The following DCAF16 variants were observed in gnomAD, a reference collection of about 807,000 sequenced individuals.
DCAF16 encodes DDB1 and CUL4 associated factor 16.
Under a neutral mutation model 17.3 loss-of-function variants are expected in DCAF16, and 10 were observed. The observed-to-expected ratio is 0.58, with a 90% CI of 0.36 to 0.98. The LOEUF is 0.98. Ranked by LOEUF, DCAF16 falls within the 50% of genes least tolerant of loss-of-function variation. The probability of loss-of-function intolerance (pLI) is 0.01; values close to 1 mark genes in which losing one functional copy is unlikely to be tolerated. For synonymous variants in DCAF16, 111 were observed against 92.8 expected (o/e 1.20, Z -1.12); for missense variants, 249 against 247.6 (o/e 1.01, Z -0.04).
rs1720005453 is a variant in DCAF16, at chr4:17,803,629, A to C, written c.513T>G (p.Asn171Lys). The change falls in exon 3 of 3, where the codon AAT (asparagine) becomes AAG (lysine). Residue 171 changes from asparagine to lysine, a missense_variant. Transcript: ENST00000382247. ...PIPEYLKQIP[N>K]SCVSGCCCGW... ...CACAGCAACACCCAGAAACACATGA[A>C]TTAGGGATCTGTTTTAGGTATTCAG... 1.2e-6 allele frequency: 2 copies of C among 1,614,102 alleles called. No homozygotes were observed. The highest frequency in any genetic ancestry group is 1.7e-6 in the Non-Finnish European group (2 of 1,180,052).
chr4:17,809,760 T>A (rs1484804335), intron 1 of DCAF16: 2 of 152,028 alleles, frequency 1.3e-5, no homozygotes, highest in Non-Finnish European at 2.9e-5. Flanking sequence ...CCCACCATGG[T>A]CAGATGATTG....
At chr4:17,800,513 C>T (rs543508585), downstream of DCAF16, 3 of 152,474 alleles carry the variant, frequency 2.0e-5, no homozygotes, top group South Asian at 2.1e-4. Flanking sequence ...TCTCTAGAGA[C>T]GCCAAGTCAT....
At position 17,802,802 on chromosome 4, in the gene DCAF16, G is replaced by C. The variant is rs1478303245; in HGVS notation, c.*689C>G. 6.6e-6 allele frequency: 1 copy of C among 152,180 alleles called. No homozygotes were observed. The highest frequency in any genetic ancestry group is 1.5e-5 in the Non-Finnish European group (1 of 68,064). 9.4% of individuals were successfully genotyped at this position (152,180 alleles called of 1,614,324 possible). The stretch of plus-strand genomic sequence containing the variant: ...CCACAGAAATGTATGTTAGAGAAGA[G>C]TATGCTCAGAAAGGTATTATTGTGG... On this transcript the variant is annotated 3_prime_UTR_variant, in exon 3 of 3. Transcript: ENST00000382247.
the DCAF16 span, among the ~76,000 whole-genome samples, chr4:17,795,287 T>C: frequency 6.6e-6 from 1 of 152,220 alleles, no homozygotes; most frequent in Non-Finnish European, 1.5e-5. Context: ...CTCCGCTACA[T>C]TTATTGGGAA....
rs952623487 is a variant in DCAF16, at chr4:17,803,808, C to T, written c.334G>A (p.Glu112Lys). The part of the protein sequence containing the change: ...HCVPKLEPIP[E>K]WPPLASCGVP... ...CCACAAGAGGCCAGAGGGGGCCATT[C>T]AGGAATTGGTTCCAGTTTGGGGACA... The change falls in exon 3 of 3, where the codon GAA becomes AAA. Residue 112 changes from glutamate (E) to lysine (K), a missense_variant. Transcript: ENST00000382247. 1.2e-6 allele frequency: 2 copies of T among 1,614,024 alleles called. No individual in the cohort carries two copies. Among genetic ancestry groups the T allele is most frequent in the Admixed American group, 1.7e-5 (1 of 59,988 alleles).
chr4:17,799,360 G>A (rs1176022076), downstream of DCAF16, among the ~76,000 whole-genome samples: 1 of 152,108 alleles, frequency 6.6e-6, no homozygotes, highest in Non-Finnish European at 1.5e-5. Flanking sequence ...AATGGCTTGG[G>A]GTAACATATA....
chr4:17,798,973 G>A (rs749977914), downstream of DCAF16, among the ~76,000 whole-genome samples: 5 of 152,238 alleles, frequency 3.3e-5, no homozygotes, highest in South Asian at 4.1e-4. Flanking sequence ...TATCACTGGC[G>A]GACAGATACG....
downstream of DCAF16, among the ~76,000 whole-genome samples, chr4:17,800,020 G>A (rs1244810233): frequency 1.3e-5 from 2 of 151,960 alleles, no homozygotes; most frequent in Non-Finnish European, 2.9e-5. Context: ...GGTGGCACAT[G>A]CCTGTAATTC....
intron 1 of DCAF16, chr4:17,809,475 T>C (rs1183192731): frequency 6.6e-6 from 1 of 152,224 alleles, no homozygotes; most frequent in East Asian, 1.9e-4. Flanking sequence ...TATTAAAATA[T>C]GTCATTAAGA....
At position 17,804,203 on chromosome 4, in the gene DCAF16, T is replaced by A; in HGVS notation, c.-62A>T. On this transcript the variant is annotated 5_prime_UTR_variant, in exon 3 of 3. Coordinates refer to ENST00000382247, the MANE Select transcript of DCAF16 (RefSeq NM_017741.4). The stretch of plus-strand genomic sequence containing the variant: ...TAATCTAAGCCAGCAGAACACTGAC[T>A]AACACTGGCAAATAGAAATAAGAGA... The A allele has an allele frequency of 7.4e-7, 1 of 1,343,856 alleles. No individual in the cohort carries two copies. Among genetic ancestry groups the A allele is most frequent in the Middle Eastern group, 1.9e-4 (1 of 5,336 alleles). 83.2% of individuals were successfully genotyped at this position (1,343,856 alleles called of 1,614,324 possible).
chr4:17,808,677 C>T (rs1720545542), intron 1 of DCAF16, among the ~76,000 whole-genome samples: 2 of 151,778 alleles, frequency 1.3e-5, no homozygotes, highest in South Asian at 2.1e-4. Flanking sequence ...TCTCATTCTT[C>T]TGTAACTGAC....
Position 17,802,635 on chromosome 4 carries a change from T to C in DCAF16, c.*856A>G, listed in dbSNP as rs2109017330. The C allele has an allele frequency of 1.5e-5, 2 of 129,434 alleles. No homozygotes were observed. The highest frequency in any genetic ancestry group is 2.3e-4 in the East Asian group (1 of 4,428). The allele number at this position is 129,434 out of a possible 1,614,324, so 8.0% of individuals were successfully genotyped here. A position where few individuals can be genotyped will look rare whatever the true frequency, so the allele number is the denominator to read the frequency against. ...GTGTAGTTACCCAGTTTAATTCAAC[T>C]ACCTCAAAAAAAAAAAAAAAGAAAA... On this transcript the variant is annotated 3_prime_UTR_variant, in exon 3 of 3. Coordinates refer to ENST00000382247, the MANE Select transcript of DCAF16 (RefSeq NM_017741.4).
chr4:17,800,397 T>C (rs999454804), downstream of DCAF16, among the ~76,000 whole-genome samples: 1 of 152,180 alleles, frequency 6.6e-6, no homozygotes, highest in Non-Finnish European at 1.5e-5. Flanking sequence ...CTTATTTAGG[T>C]ACCTGTTATT....
intron 2 of DCAF16, among the ~76,000 whole-genome samples, 159 bp downstream of exon 2, chr4:17,804,948 G>A (rs1335143737): frequency 3.9e-5 from 6 of 152,120 alleles, no homozygotes; most frequent in African/African-American, 1.4e-4. Flanking sequence ...CACAATATTG[G>A]GGAGCAAAGT....
At chr4:17,798,267 AG>A (rs138654719), downstream of DCAF16, among the ~76,000 whole-genome samples, 10,273 of 151,780 alleles carry the variant, frequency 0.068, 512 homozygotes, top group South Asian at 0.12. Flanking sequence ...ACAGTTTAGA[AG>A]AAATAACCCT....
chr4:17,809,119 A>G (rs890687467), intron 1 of DCAF16, among the ~76,000 whole-genome samples: 16 of 152,222 alleles, frequency 1.1e-4, no homozygotes, highest in African/African-American at 3.6e-4. Context: ...TAGCAGCTGA[A>G]TATCTACAAA....
At chr4:17,796,647 C>G (rs988240601), downstream of DCAF16, among the ~76,000 whole-genome samples, 1 of 152,176 alleles carries the variant, frequency 6.6e-6, no homozygotes, top group African/African-American at 2.4e-5. Context: ...GTGGAGATTG[C>G]AGTGAGCCGA....
intron 1 of DCAF16, among the ~76,000 whole-genome samples, chr4:17,805,506 A>G (rs1046821284): frequency 3.3e-5 from 5 of 152,236 alleles, no homozygotes; most frequent in South Asian, 2.1e-4. Context: ...GAATGTGGAT[A>G]ACTTTTGTTA....
At chr4:17,806,363 C>T (rs928199483) in intron 1 of DCAF16, among the ~76,000 whole-genome samples, 1 of 152,170 alleles carries the variant, frequency 6.6e-6, no homozygotes, top group African/African-American at 2.4e-5. Context: ...CAAAGCCATT[C>T]ATCTAGTAAG....
Sources: gnomAD v4.1 joint callset for allele counts (sites outside exome capture counted in the v4.1 genomes callset) on GRCh38, gnomAD v4.1.1 for gene constraint, MANE v1.5 for transcripts, NCBI Gene and HGNC (gene_info 2026-07-23, HGNC 2026-07-21) for gene names.